The following RAD51B variants were observed in gnomAD, a reference collection of about 807,000 sequenced individuals.
RAD51B encodes the protein RAD51 paralog B.
RAD51B carries 38 observed loss-of-function variants against 42.2 expected under a neutral mutation model. The ratio of observed to expected loss-of-function variants is 0.90; its 90% CI spans 0.70 to 1.18. The LOEUF is 1.18. Ranked by LOEUF, RAD51B falls within the 50% of genes most tolerant of loss-of-function variation. The pLI, the probability that RAD51B is intolerant of heterozygous loss-of-function variation, is 0.00. For missense variants in RAD51B, 373 were observed against 400.7 expected, an observed-to-expected ratio of 0.93 and a Z score of 0.59; for synonymous variants, 154 against 145.2, an observed-to-expected ratio of 1.06 and a Z score of -0.43.
intron 7 of RAD51B, among the ~76,000 whole-genome samples, chr14:68,261,101 C>T (rs185830128): frequency 4.6e-5 from 7 of 152,296 alleles, no homozygotes; most frequent in Admixed American, 3.3e-4. Context: ...CAATTGGTCA[C>T]GAAGACCCTT....
rs754051236 is a variant in RAD51B, at chr14:67,849,925, G to GTTACAAAATTTT, written c.315+14729_315+14730insTTACAAAATTTT. ...TAGAGAGCTACTGTGATTCTTTGGTGGTGTTACAAAAATTGGATTTTTCTG... is the reference window on the plus strand; with the variant it reads ...TAGAGAGCTACTGTGATTCTTTGGTGTTACAAAATTTTGTGTTACAAAAATTGGATTTTTCTG... On this transcript the variant is annotated intron_variant, in intron 4 of 10. Transcript: ENST00000471583. 2.6e-4 allele frequency among the ~76,000 whole-genome samples: 40 copies of GTTACAAAATTTT among 152,238 alleles called. No individual in the cohort carries two copies. The South Asian group carries it at 4.1e-3, about 16-fold the overall frequency.
rs563323911 is a variant in RAD51B at position 68,410,341 on chromosome 14, C to T, written c.854-1083C>T. On this transcript the variant is annotated intron_variant, in intron 8 of 10. Transcript: ENST00000471583. ...GACCAATTCCTACTCCACACTGAGG[C>T]GTACAAATCAGATGATGTAGTAAGG... 5.3e-5 allele frequency among the ~76,000 whole-genome samples: 8 copies of T among 152,184 alleles called. No homozygotes were observed. In the South Asian group the frequency reaches 6.2e-4, roughly 12 times the overall value.
chr14:68,027,607 T>G (rs112899418), intron 7 of RAD51B, among the ~76,000 whole-genome samples: 2 of 152,222 alleles, frequency 1.3e-5, no homozygotes, highest in African/African-American at 4.8e-5. Context: ...GATTCTTTCC[T>G]CAGTGTGGTC....
At chr14:67,954,938 A>G (rs1250095910) in intron 7 of RAD51B, among the ~76,000 whole-genome samples, 1 of 152,158 alleles carries the variant, frequency 6.6e-6, no homozygotes, top group South Asian at 2.1e-4. Context: ...AGGAATGTTT[A>G]GAGATCAGAG....
intron 11 of RAD51B, among the ~76,000 whole-genome samples, chr14:68,669,979 A>G (rs1266204725): frequency 6.6e-6 from 1 of 152,110 alleles, no homozygotes; most frequent in Non-Finnish European, 1.5e-5. Context: ...GGGGGCTCAG[A>G]TTAATGGCAC....
At chr14:68,670,063 GAGA>G (rs1215940887) in intron 11 of RAD51B, among the ~76,000 whole-genome samples, 2 of 152,266 alleles carry the variant, frequency 1.3e-5, no homozygotes, top group Non-Finnish European at 2.9e-5. Flanking sequence ...ATGGCAGCCA[GAGA>G]AGATTAGACA....
At chr14:68,495,370 T>C (rs892387396) in intron 10 of RAD51B, among the ~76,000 whole-genome samples, 1 of 152,144 alleles carries the variant, frequency 6.6e-6, no homozygotes, top group African/African-American at 2.4e-5. Context: ...CCTTTGCTTT[T>C]GGCTTTGAAA....
chr14:68,066,997 T>G (rs1322839452), intron 7 of RAD51B, among the ~76,000 whole-genome samples: 3 of 152,174 alleles, frequency 2.0e-5, no homozygotes, highest in African/African-American at 7.2e-5. Context: ...AGCATTAGAC[T>G]GTTGCACAAC....
At position 67,887,008 on chromosome 14, in the gene RAD51B, T is replaced by C. The variant is rs775586905; in HGVS notation, c.573-13T>C. On this transcript the variant is annotated splice_polypyrimidine_tract_variant and intron_variant, in intron 6 of 10. Coordinates refer to ENST00000471583, the MANE Select transcript of RAD51B (RefSeq NM_133510.4). ...TAAATTTATTGACTATTTTATAAATTCTTCTTTTATAGGATTGAATCTTTG... is the reference window on the plus strand; with the variant it reads ...TAAATTTATTGACTATTTTATAAATCCTTCTTTTATAGGATTGAATCTTTG... 7.0e-7 allele frequency: 1 copy of C among 1,429,500 alleles called. No individual in the cohort carries two copies. The highest frequency in any genetic ancestry group is 2.3e-5 in the East Asian group (1 of 43,116). 88.6% of individuals were successfully genotyped at this position (1,429,500 alleles called of 1,614,324 possible).
chr14:68,031,093 A>G (rs987521063), intron 7 of RAD51B, among the ~76,000 whole-genome samples: 1 of 152,196 alleles, frequency 6.6e-6, no homozygotes, highest in Non-Finnish European at 1.5e-5. Flanking sequence ...ATAAAGACAT[A>G]CCTGAGACTG....
chr14:68,455,360 C>T (rs539127840), intron 9 of RAD51B, among the ~76,000 whole-genome samples: 97 of 152,178 alleles, frequency 6.4e-4, no homozygotes, highest in African/African-American at 2.2e-3. Context: ...ACAGAAAATA[C>T]TACAAAGAAT....
intron 4 of RAD51B, among the ~76,000 whole-genome samples, chr14:67,840,436 A>T (rs2041388205): frequency 1.3e-5 from 2 of 152,310 alleles, no homozygotes; most frequent in South Asian, 4.1e-4. Context: ...CAAGAGCTGC[A>T]TCCATGTTGC....
chr14:68,383,214 CAAAG>C (rs951947258), intron 8 of RAD51B, among the ~76,000 whole-genome samples: 14 of 152,096 alleles, frequency 9.2e-5, no homozygotes, highest in African/African-American at 3.1e-4. Context: ...TTAAAAGTAT[CAAAG>C]AGAAGACTCT....
At chr14:68,028,467 A>C (rs2075988497) in intron 7 of RAD51B, among the ~76,000 whole-genome samples, 1 of 152,162 alleles carries the variant, frequency 6.6e-6, no homozygotes, top group Non-Finnish European at 1.5e-5. Context: ...TCACCCCCTC[A>C]GTGCTCTGTG....
chr14:68,598,182 G>A (rs1555430415), downstream of RAD51B, among the ~76,000 whole-genome samples: 1 of 152,128 alleles, frequency 6.6e-6, no homozygotes, highest in Non-Finnish European at 1.5e-5. Flanking sequence ...TGATGATGAA[G>A]TGAAGCTTCC....
At chr14:68,390,440 G>A (rs1188438098) in intron 8 of RAD51B, among the ~76,000 whole-genome samples, 2 of 152,212 alleles carry the variant, frequency 1.3e-5, no homozygotes, top group Non-Finnish European at 2.9e-5. Flanking sequence ...ATTTGTCTGA[G>A]TGAGGTCACC....
intron 7 of RAD51B, among the ~76,000 whole-genome samples, chr14:68,227,161 G>A (rs2140975157): frequency 6.6e-6 from 1 of 152,300 alleles, no homozygotes; most frequent in South Asian, 2.1e-4. Flanking sequence ...ATTGACATAA[G>A]TATCCTCCAA....
intron 7 of RAD51B, among the ~76,000 whole-genome samples, chr14:68,051,985 G>T (rs899424654): frequency 1.3e-5 from 2 of 152,068 alleles, no homozygotes; most frequent in Non-Finnish European, 2.9e-5. Flanking sequence ...CTCCCTTGAG[G>T]TTTAAGGCAT....
intron 8 of RAD51B, among the ~76,000 whole-genome samples, chr14:68,376,435 G>A (rs1407160436): frequency 6.6e-6 from 1 of 152,204 alleles, no homozygotes; most frequent in Non-Finnish European, 1.5e-5. Context: ...ATCTCCCAGT[G>A]GATGGCATCA....
Sources: allele counts gnomAD v4.1 joint callset (sites outside exome capture counted in the v4.1 genomes callset), GRCh38; gene constraint gnomAD v4.1.1; transcripts MANE v1.5; gene names NCBI Gene and HGNC (gene_info 2026-07-23, HGNC 2026-07-21).